The following RBFOX1 variants were observed in gnomAD, a reference collection of about 807,000 sequenced individuals.
The protein encoded by RBFOX1 is RNA binding protein fox-1 homolog 1.
Under a neutral mutation model 57.7 loss-of-function variants are expected in RBFOX1, and 8 were observed. The ratio of observed to expected loss-of-function variants is 0.14; its 90% CI spans 0.08 to 0.25. The LOEUF (loss-of-function observed/expected upper bound fraction) is 0.25. Ranked by LOEUF, RBFOX1 falls within the 10% of genes least tolerant of loss-of-function variation. RBFOX1 has a pLI of 1.00. For synonymous variants in RBFOX1, 326 were observed against 222.4 expected, an observed-to-expected ratio of 1.47 and a Z score of -4.15; for missense variants, 611 against 548.5, an observed-to-expected ratio of 1.11 and a Z score of -1.14.
intron 2 of RBFOX1, among the ~76,000 whole-genome samples, chr16:6,431,158 T>C (rs1330302367): frequency 1.3e-5 from 2 of 151,480 alleles, no homozygotes; most frequent in African/African-American, 4.8e-5. Context: ...ATTAAAAAGA[T>C]GCTACTGCAA....
At chr16:7,099,100 A>G (rs747734834) in intron 4 of RBFOX1, among the ~76,000 whole-genome samples, 1 of 152,212 alleles carries the variant, frequency 6.6e-6, no homozygotes, top group Non-Finnish European at 1.5e-5. Flanking sequence ...TTTATATTGC[A>G]AAAATAGTAC....
chr16:6,473,105 C>A (rs2095215729), intron 2 of RBFOX1, among the ~76,000 whole-genome samples: 2 of 152,156 alleles, frequency 1.3e-5, no homozygotes, highest in South Asian at 4.1e-4. Context: ...TGCCCGGGGA[C>A]CCCAGGATGC....
chr16:7,489,722 T>A (rs1470100996), intron 4 of RBFOX1, among the ~76,000 whole-genome samples: 1 of 151,654 alleles, frequency 6.6e-6, no homozygotes, highest in Non-Finnish European at 1.5e-5. Flanking sequence ...TTTTTTTTTA[T>A]GTTGTTCCGG....
At chr16:5,561,612 C>T (rs1284052074) in intron 2 of RBFOX1, among the ~76,000 whole-genome samples, 1 of 152,112 alleles carries the variant, frequency 6.6e-6, no homozygotes, top group Non-Finnish European at 1.5e-5. Context: ...AATACATTTC[C>T]AATCCTGTTT....
rs183293205 is a variant in RBFOX1 at position 5,828,901 on chromosome 16, T to A, written c.319-38402T>A. 5.3e-5 allele frequency among the ~76,000 whole-genome samples: 8 copies of A among 152,228 alleles called. No homozygotes were observed. In the East Asian group the frequency reaches 1.2e-3, roughly 22 times the overall value. ...CCAAAGTGAGTAACTTAAAACAACA[T>A]CACTTACCGTTTCACTGTTTCTGTG... On this transcript the variant is annotated intron_variant, in intron 3 of 19. Coordinates refer to the RBFOX1 transcript ENST00000641259.
intron 3 of RBFOX1, among the ~76,000 whole-genome samples, chr16:6,893,598 C>A (rs760308535): frequency 1.4e-4 from 21 of 152,130 alleles, no homozygotes; most frequent in Admixed American, 9.2e-4. Flanking sequence ...ATCTCCTCTC[C>A]AGTTTTTATA....
intron 3 of RBFOX1, among the ~76,000 whole-genome samples, chr16:5,798,190 A>T (rs532047121): frequency 6.6e-6 from 1 of 152,224 alleles, no homozygotes; most frequent in African/African-American, 2.4e-5. Flanking sequence ...TGGAAATGAT[A>T]TGTGTAAAAA....
At position 7,206,841 on chromosome 16, in the gene RBFOX1, C is replaced by G. The variant is rs576196947; in HGVS notation, c.27+154743C>G. On this transcript the variant is annotated intron_variant, in intron 4 of 15. Coordinates refer to ENST00000550418, the MANE Select transcript of RBFOX1 (RefSeq NM_018723.4). ...AGTTGGGATTTATAAACAATCAATT[C>G]TCTTCTTATCAGAAAAAAAAAATGG... Among the ~76,000 whole-genome samples the G allele has an allele frequency of 3.0e-4, 45 of 152,008 alleles. No homozygotes were observed. In the South Asian group the frequency reaches 6.0e-3, roughly 20 times the overall value.
chr16:7,421,364 T>G (rs2098541031), intron 4 of RBFOX1, among the ~76,000 whole-genome samples: 1 of 152,202 alleles, frequency 6.6e-6, no homozygotes, highest in African/African-American at 2.4e-5. Flanking sequence ...ATGGCACATG[T>G]ATTTGCCAGT....
intron 1 of RBFOX1, among the ~76,000 whole-genome samples, chr16:5,441,523 C>T (rs1167112262): frequency 1.3e-5 from 2 of 152,052 alleles, no homozygotes; most frequent in African/African-American, 4.8e-5. Flanking sequence ...TGCCACCATG[C>T]CTGGCTAATT....
intron 3 of RBFOX1, among the ~76,000 whole-genome samples, chr16:7,006,989 C>A (rs531646992): frequency 2.6e-4 from 39 of 152,254 alleles, no homozygotes; most frequent in Non-Finnish European, 4.9e-4. Flanking sequence ...ACATTTGGCA[C>A]CTTGAAATAA....
At chr16:7,627,928 T>A (rs1336676755) in intron 10 of RBFOX1, among the ~76,000 whole-genome samples, 1 of 149,372 alleles carries the variant, frequency 6.7e-6, no homozygotes, top group African/African-American at 2.5e-5. Context: ...TTTTTTTTTT[T>A]AACTACGAAG....
At chr16:6,326,703 G>A (rs892304798) in intron 2 of RBFOX1, among the ~76,000 whole-genome samples, 3 of 152,044 alleles carry the variant, frequency 2.0e-5, no homozygotes, top group South Asian at 2.1e-4. Flanking sequence ...AGAAACGTCC[G>A]TGGCCATGAC....
Position 5,632,257 on chromosome 16 carries a change from C to T in RBFOX1, c.318+33296C>T, listed in dbSNP as rs571944554. 6.6e-5 allele frequency among the ~76,000 whole-genome samples: 10 copies of T among 152,306 alleles called. No homozygotes were observed. The South Asian group carries it at 8.3e-4, about 13-fold the overall frequency. On this transcript the variant is annotated intron_variant, in intron 3 of 19. Coordinates refer to the RBFOX1 transcript ENST00000641259. Reference sequence around the variant, plus strand: ...AGACAACTAGCCACAGTCTGATGAACGAGAGTAAGGATGAATATGGGAGTT... The same window carrying T: ...AGACAACTAGCCACAGTCTGATGAATGAGAGTAAGGATGAATATGGGAGTT...
At chr16:5,583,641 T>A (rs2046744754) in intron 2 of RBFOX1, among the ~76,000 whole-genome samples, 1 of 152,216 alleles carries the variant, frequency 6.6e-6, no homozygotes, top group South Asian at 2.1e-4. Flanking sequence ...AAGTTTTCTT[T>A]TAACATTGGG....
intron 2 of RBFOX1, among the ~76,000 whole-genome samples, chr16:6,363,081 C>A (rs1418797548): frequency 6.6e-6 from 1 of 152,152 alleles, no homozygotes; most frequent in Non-Finnish European, 1.5e-5. Flanking sequence ...TGAAATTCTA[C>A]CAGAAGAATC....
chr16:6,085,324 G>A (rs2096067980), intron 1 of RBFOX1, among the ~76,000 whole-genome samples: 1 of 152,232 alleles, frequency 6.6e-6, no homozygotes, highest in South Asian at 2.1e-4. Flanking sequence ...CCAGGCTGAA[G>A]TGCAGTGGTA....
chr16:7,073,307 C>A (rs2057701562), intron 4 of RBFOX1, among the ~76,000 whole-genome samples: 2 of 152,150 alleles, frequency 1.3e-5, no homozygotes, highest in South Asian at 4.1e-4. Flanking sequence ...AAAATGTCAG[C>A]CAATCCCTTC....
intron 5 of RBFOX1, among the ~76,000 whole-genome samples, chr16:7,542,496 TAGAA>T (rs1195733697): frequency 8.7e-5 from 13 of 149,082 alleles, no homozygotes; most frequent in African/African-American, 2.5e-4. Flanking sequence ...AACAGAGAGA[TAGAA>T]AGAAAGAGAA....
Sources: allele counts gnomAD v4.1 joint callset (sites outside exome capture counted in the v4.1 genomes callset), GRCh38; gene constraint gnomAD v4.1.1; transcripts MANE v1.5; gene names NCBI Gene and HGNC (gene_info 2026-07-23, HGNC 2026-07-21).